The following UBE2E2 variants were observed in gnomAD, a reference collection of about 807,000 sequenced individuals.
The protein encoded by UBE2E2 is ubiquitin conjugating enzyme E2 E2.
A neutral mutation model predicts 24.7 loss-of-function variants in UBE2E2; 6 were observed. The observed-to-expected ratio is 0.24, with a 90% CI of 0.13 to 0.48. The LOEUF (loss-of-function observed/expected upper bound fraction) is 0.48. UBE2E2 is among the 20% of genes least tolerant of loss of function. UBE2E2 has a pLI of 0.99. For missense variants in UBE2E2, 169 were observed against 245.0 expected, an observed-to-expected ratio of 0.69 and a Z score of 2.07; for synonymous variants, 104 against 83.6, an observed-to-expected ratio of 1.24 and a Z score of -1.33.
intron 3 of UBE2E2, among the ~76,000 whole-genome samples, chr3:23,371,768 C>T (rs934338706): frequency 6.6e-6 from 1 of 151,946 alleles, no homozygotes; most frequent in Non-Finnish European, 1.5e-5. Context: ...TCTTTGGTTG[C>T]GATAATGTTT....
At chr3:23,445,180 A>C (rs1698398925) in intron 3 of UBE2E2, among the ~76,000 whole-genome samples, 2 of 152,108 alleles carry the variant, frequency 1.3e-5, no homozygotes, top group Non-Finnish European at 2.9e-5. Flanking sequence ...CACTATGTCA[A>C]CTCTGTGGTG....
At chr3:23,510,081 AAGGT>A (rs1195859819) in intron 4 of UBE2E2, among the ~76,000 whole-genome samples, 2 of 152,172 alleles carry the variant, frequency 1.3e-5, no homozygotes, top group African/African-American at 4.8e-5. Context: ...ATCTCTCCGT[AAGGT>A]AGCAGCCTCT....
intron 3 of UBE2E2, among the ~76,000 whole-genome samples, chr3:23,421,928 C>A (rs1697810692): frequency 1.3e-5 from 2 of 152,088 alleles, no homozygotes; most frequent in African/African-American, 4.8e-5. Context: ...TTTAGCTTTC[C>A]CAAATAATAG....
intron 3 of UBE2E2, among the ~76,000 whole-genome samples, chr3:23,397,778 A>G (rs1472711813): frequency 6.6e-6 from 1 of 152,180 alleles, no homozygotes; most frequent in Non-Finnish European, 1.5e-5. Flanking sequence ...CTGTTGGTGA[A>G]CATTTTAATA....
intron 3 of UBE2E2, among the ~76,000 whole-genome samples, chr3:23,350,129 C>G (rs562994502): frequency 4.6e-5 from 7 of 152,356 alleles, no homozygotes; most frequent in Admixed American, 3.9e-4. Context: ...CAAACAGGGT[C>G]TGGAGTGGAC....
chr3:23,318,757 C>T (rs1368310194), intron 3 of UBE2E2, among the ~76,000 whole-genome samples: 2 of 152,104 alleles, frequency 1.3e-5, no homozygotes, highest in Non-Finnish European at 1.5e-5. Context: ...CAGGTCCCTC[C>T]CACAACATAT....
At chr3:23,573,766 G>A (rs1696278823) in intron 5 of UBE2E2, among the ~76,000 whole-genome samples, 1 of 152,144 alleles carries the variant, frequency 6.6e-6, no homozygotes, top group African/African-American at 2.4e-5. Context: ...CTTGTTGTCA[G>A]CTGATTAAAA....
intron 3 of UBE2E2, among the ~76,000 whole-genome samples, chr3:23,480,515 C>G (rs1054032424): frequency 1.3e-5 from 2 of 152,218 alleles, no homozygotes; most frequent in African/African-American, 2.4e-5. Flanking sequence ...CAGCCCCGAC[C>G]GGTTCCATGG....
At chr3:23,225,496 A>G (rs1696794282) in intron 3 of UBE2E2, among the ~76,000 whole-genome samples, 1 of 152,262 alleles carries the variant, frequency 6.6e-6, no homozygotes, top group African/African-American at 2.4e-5. Flanking sequence ...TTAGAGTCCA[A>G]TTTCATTCCT....
At chr3:23,439,525 A>G (rs1343284336) in intron 3 of UBE2E2, among the ~76,000 whole-genome samples, 1 of 152,216 alleles carries the variant, frequency 6.6e-6, no homozygotes, top group Non-Finnish European at 1.5e-5. Context: ...GGGGATGGCT[A>G]GCTGCCCAAA....
intron 5 of UBE2E2, among the ~76,000 whole-genome samples, chr3:23,572,336 G>A (rs1262174902): frequency 6.6e-6 from 1 of 152,084 alleles, no homozygotes; most frequent in Non-Finnish European, 1.5e-5. Flanking sequence ...AGACTCAGAG[G>A]AATTCCAGTG....
chr3:23,295,339 C>T (rs933774402), intron 3 of UBE2E2, among the ~76,000 whole-genome samples: 1 of 151,730 alleles, frequency 6.6e-6, no homozygotes, highest in African/African-American at 2.4e-5. Flanking sequence ...TCTTTTCATG[C>T]CTCAAAGTAT....
At chr3:23,256,931 G>A (rs1202524392) in intron 3 of UBE2E2, among the ~76,000 whole-genome samples, 1 of 152,180 alleles carries the variant, frequency 6.6e-6, no homozygotes, top group African/African-American at 2.4e-5. Flanking sequence ...TAACCTGCCT[G>A]CATGTTTTGA....
chr3:23,242,914 T>A (rs768311648), intron 3 of UBE2E2, among the ~76,000 whole-genome samples: 1 of 151,872 alleles, frequency 6.6e-6, no homozygotes, highest in Non-Finnish European at 1.5e-5. Context: ...GGTGAAACCC[T>A]GTCTCTACTA....
rs1575668937 is a variant in UBE2E2 at position 23,499,533 on chromosome 3, A to G, written c.228-75A>G. On this transcript the variant is annotated intron_variant, in intron 3 of 5. Coordinates refer to ENST00000396703, the MANE Select transcript of UBE2E2 (RefSeq NM_152653.4). ...TTTTTATGGAATTGCTCAATTGGTT[A>G]TCATAAATAGATTTTGTTAAATTCC... is the stretch of plus-strand genomic sequence containing the variant. 7.2e-6 allele frequency: 11 copies of G among 1,534,156 alleles called. No individual in the cohort carries two copies. In the East Asian group the frequency reaches 2.5e-4, roughly 35 times the overall value.
intron 3 of UBE2E2, among the ~76,000 whole-genome samples, chr3:23,414,191 A>G (rs911606807): frequency 3.9e-5 from 6 of 152,214 alleles, no homozygotes; most frequent in Non-Finnish European, 7.3e-5. Context: ...ACTTGGTTTT[A>G]TAAATCCTGT....
chr3:23,557,831 T>C (rs1164174920), intron 5 of UBE2E2, among the ~76,000 whole-genome samples: 2 of 152,202 alleles, frequency 1.3e-5, no homozygotes, highest in Non-Finnish European at 2.9e-5. Context: ...CAAGTCACTC[T>C]GTCACTGTAT....
chr3:23,219,317 T>C (rs1484898757), intron 3 of UBE2E2, among the ~76,000 whole-genome samples: 1 of 152,188 alleles, frequency 6.6e-6, no homozygotes, highest in African/African-American at 2.4e-5. Context: ...CACTTATCAG[T>C]GTGCTTGTGT....
chr3:23,434,284 A>T (rs1698133785), intron 3 of UBE2E2, among the ~76,000 whole-genome samples: 1 of 152,152 alleles, frequency 6.6e-6, no homozygotes, highest in African/African-American at 2.4e-5. Context: ...AAAGATCTCA[A>T]TGTAACATCC....
Sources: gnomAD v4.1 joint callset for allele counts (sites outside exome capture counted in the v4.1 genomes callset) on GRCh38, gnomAD v4.1.1 for gene constraint, MANE v1.5 for transcripts, NCBI Gene and HGNC (gene_info 2026-07-23, HGNC 2026-07-21) for gene names.